The following LEPR variants were observed in gnomAD, a reference collection of about 807,000 sequenced individuals.
The protein encoded by LEPR is OB receptor.
A neutral mutation model predicts 114.7 loss-of-function variants in LEPR; 56 were observed. That is an observed-to-expected ratio of 0.49 (90% CI 0.39 to 0.61). LEPR has a LOEUF of 0.61. LEPR is among the 20% of genes least tolerant of loss of function. The probability of loss-of-function intolerance (pLI) is 0.00; values close to 1 mark genes in which losing one functional copy is unlikely to be tolerated. For synonymous variants in LEPR, 443 were observed against 461.4 expected (o/e 0.96, Z 0.51); for missense variants, 1,202 against 1,352.9 (o/e 0.89, Z 1.75).
intron 2 of LEPR, among the ~76,000 whole-genome samples, chr1:65,538,251 T>G (rs1650916469): frequency 6.6e-6 from 1 of 152,072 alleles, no homozygotes; most frequent in African/African-American, 2.4e-5. Flanking sequence ...GTGTTTATTC[T>G]GTTTTTATTT....
intron 2 of LEPR, among the ~76,000 whole-genome samples, chr1:65,548,295 G>T (rs896513549): frequency 9.9e-5 from 15 of 152,242 alleles, no homozygotes; most frequent in South Asian, 2.1e-4. Context: ...TTGATTTGGG[G>T]TGGAGAGTTC....
intron 2 of LEPR, among the ~76,000 whole-genome samples, chr1:65,499,811 A>T (rs759065669): frequency 6.6e-6 from 1 of 152,120 alleles, no homozygotes; most frequent in Non-Finnish European, 1.5e-5. Context: ...AATTTTACAC[A>T]CAACCTTCCT....
chr1:65,528,757 T>A (rs1650153242), intron 2 of LEPR, among the ~76,000 whole-genome samples: 1 of 152,160 alleles, frequency 6.6e-6, no homozygotes, highest in African/African-American at 2.4e-5. Flanking sequence ...TCTTGTTTGT[T>A]CCTTCTTCAT....
At chr1:65,523,799 C>T (rs1196048166) in intron 2 of LEPR, among the ~76,000 whole-genome samples, 3 of 152,174 alleles carry the variant, frequency 2.0e-5, no homozygotes, top group Non-Finnish European at 1.5e-5. Context: ...ATTCCTGTAA[C>T]CTGTGAATGT....
intron 5 of LEPR, among the ~76,000 whole-genome samples, chr1:65,582,838 A>G: frequency 6.6e-6 from 1 of 152,176 alleles, no homozygotes; most frequent in East Asian, 1.9e-4. Context: ...CTCCCATTTA[A>G]AAAAATAAAT....
chr1:65,420,816 C>T (rs1315103804), intron 1 of LEPR, 76 bp downstream of exon 1: 33 of 1,520,392 alleles, frequency 2.2e-5, no homozygotes, highest in African/African-American at 5.6e-5. Context: ...GGGGCTGCGC[C>T]TTCCGCGCGC....
At position 65,636,906 on chromosome 1, in the gene LEPR, T is replaced by C; in HGVS notation, c.3389T>C (p.Leu1130Ser). ...CSHFVENNINLGTSSKKTFAS... is the reference protein window; with the variant it reads ...CSHFVENNINSGTSSKKTFAS... ...CACTTTGTAGAAAATAATATCAACT[T>C]AGGAACTTCTAGTAAGAAGACTTTT... Residue 1130 changes from leucine to serine, a missense_variant, in exon 20 of 20, where the codon TTA becomes TCA. By Grantham distance (145) the Leu-to-Ser change is moderately radical. Transcript: ENST00000349533. The C allele has an allele frequency of 1.2e-6, 2 of 1,607,120 alleles. No homozygotes were observed. Among genetic ancestry groups the C allele is most frequent in the Non-Finnish European group, 1.7e-6 (2 of 1,177,172 alleles).
chr1:65,524,508 C>A (rs1178662349), intron 2 of LEPR, among the ~76,000 whole-genome samples: 2 of 152,178 alleles, frequency 1.3e-5, no homozygotes, highest in African/African-American at 4.8e-5. Flanking sequence ...GCTCCATTTG[C>A]GAAGTTATAG....
At chr1:65,431,817 C>A in intron 2 of LEPR, 1 of 1,613,634 alleles carries the variant, frequency 6.2e-7, no homozygotes, top group Non-Finnish European at 8.5e-7. Context: ...AATGGGGAGC[C>A]TGCGGCCTTG....
chr1:65,484,854 T>C (rs544080970), intron 2 of LEPR, among the ~76,000 whole-genome samples: 1 of 152,306 alleles, frequency 6.6e-6, no homozygotes, highest in South Asian at 2.1e-4. Flanking sequence ...CATGCTTCTT[T>C]TGAAGAAAAG....
intron 19 of LEPR, chr1:65,634,254 T>G (rs888763905): frequency 2.1e-6 from 2 of 975,572 alleles, no homozygotes; most frequent in African/African-American, 3.5e-5. Flanking sequence ...TATTTAGATT[T>G]AACTCGTAGT....
chr1:65,530,040 A>G (rs967186478), intron 2 of LEPR, among the ~76,000 whole-genome samples: 3 of 152,180 alleles, frequency 2.0e-5, no homozygotes, highest in African/African-American at 4.8e-5. Flanking sequence ...TGGACTTCAG[A>G]TCTTTATATT....
At chr1:65,551,075 C>T (rs1166317795) in intron 2 of LEPR, among the ~76,000 whole-genome samples, 1 of 152,068 alleles carries the variant, frequency 6.6e-6, no homozygotes, top group African/African-American at 2.4e-5. Context: ...CCGACTTCAT[C>T]GTGGTGGATG....
At chr1:65,594,693 GAT>G (rs1655929702) in intron 6 of LEPR, among the ~76,000 whole-genome samples, 1 of 151,960 alleles carries the variant, frequency 6.6e-6, no homozygotes, top group African/African-American at 2.4e-5. Flanking sequence ...GTTTAGGGGA[GAT>G]ATATATATTT....
intron 19 of LEPR, among the ~76,000 whole-genome samples, chr1:65,625,180 G>T (rs1253296978): frequency 6.6e-6 from 1 of 152,202 alleles, no homozygotes; most frequent in East Asian, 1.9e-4. Flanking sequence ...GTATTTATAT[G>T]TAAGGCTTGG....
intron 2 of LEPR, among the ~76,000 whole-genome samples, chr1:65,550,698 C>G (rs529657986): frequency 6.6e-6 from 1 of 152,166 alleles, no homozygotes; most frequent in Admixed American, 6.5e-5. Context: ...GGGAGTGACC[C>G]GATTTTCCAG....
intron 2 of LEPR, among the ~76,000 whole-genome samples, chr1:65,556,103 T>A (rs906136187): frequency 2.6e-5 from 4 of 152,136 alleles, no homozygotes; most frequent in African/African-American, 9.7e-5. Flanking sequence ...ATGGGATTAG[T>A]GCCCTTATAA....
chr1:65,588,834 T>C (rs1226865634), intron 5 of LEPR, among the ~76,000 whole-genome samples: 4 of 152,120 alleles, frequency 2.6e-5, no homozygotes, highest in African/African-American at 9.6e-5. Context: ...ATTCACCTGT[T>C]GATAGGCATT....
rs145580828 is a variant in LEPR, at chr1:65,625,973, ACACT to A, written c.2673+2994_2673+2997del. 0.095 allele frequency: 61,455 copies of A among 648,172 alleles called. 3,777 individuals are homozygous for A. Among genetic ancestry groups the A allele is most frequent in the Non-Finnish European group, 0.13 (46,136 of 365,406 alleles). The allele number at this position is 648,172 out of a possible 1,614,324, so 40.2% of individuals were successfully genotyped here. On this transcript the variant is annotated intron_variant, in intron 19 of 19. Transcript: ENST00000349533. ...TAATGTCACTTAAAAAGAGGCTGAAACACTCTCTCTTCAGCATTTAAGCTCTGAA... is the reference window on the plus strand; with the variant it reads ...TAATGTCACTTAAAAAGAGGCTGAAACTCTCTTCAGCATTTAAGCTCTGAA...
Sources: allele counts gnomAD v4.1 joint callset (sites outside exome capture counted in the v4.1 genomes callset), GRCh38; gene constraint gnomAD v4.1.1; transcripts MANE v1.5; gene names NCBI Gene and HGNC (gene_info 2026-07-23, HGNC 2026-07-21).